Variants in CRYZL1 observed in about 807,000 individuals in gnomAD.
CRYZL1 encodes the protein ferry endosomal RAB5 effector complex subunit 4.
CRYZL1 carries 34 observed loss-of-function variants against 50.6 expected under a neutral mutation model. That is an observed-to-expected ratio of 0.67 (90% CI 0.51 to 0.89). The LOEUF is 0.89. Among genes scored for constraint, CRYZL1 ranks in the 40% least tolerant of loss-of-function variants. CRYZL1 has a pLI of 0.00. For synonymous variants in CRYZL1, 125 were observed against 134.3 expected (o/e 0.93, Z 0.48); for missense variants, 354 against 402.3 (o/e 0.88, Z 1.03).
At chr21:33,597,007 A>C (rs1446031989) in intron 10 of CRYZL1, among the ~76,000 whole-genome samples, 1 of 151,908 alleles carries the variant, frequency 6.6e-6, no homozygotes, top group Non-Finnish European at 1.5e-5. Flanking sequence ...GGAGCTGGGA[A>C]TATAAGCCTG....
chr21:33,607,607 G>C (rs927736852), intron 6 of CRYZL1, among the ~76,000 whole-genome samples: 1 of 152,056 alleles, frequency 6.6e-6, no homozygotes, highest in African/African-American at 2.4e-5. Context: ...ACTGCAGCCT[G>C]GGCTACAGAG....
rs767343495 is a variant in CRYZL1, at chr21:33,597,410, G to A, written c.677-9C>T. 3 of 1,546,300 alleles carry A rather than the reference G, an allele frequency of 1.9e-6. No individual in the cohort carries two copies. Among genetic ancestry groups the A allele is most frequent in the Admixed American group, 3.5e-5 (2 of 57,150 alleles). ...TTTACTATATAATCTCACTTGCAAG[G>A]GAATAGTTTTAAAAAAAGAGAGAGA... On this transcript the variant is annotated splice_polypyrimidine_tract_variant and intron_variant, in intron 9 of 12. Transcript: ENST00000381554.
At position 33,597,364 on chromosome 21, in the gene CRYZL1, T is replaced by C. The variant is rs1248478738; in HGVS notation, c.714A>G (p.Lys238=). 1.2e-6 allele frequency: 2 copies of C among 1,601,050 alleles called. No individual in the cohort carries two copies. The highest frequency in any genetic ancestry group is 1.7e-6 in the Non-Finnish European group (2 of 1,168,164). ...CATGTTTATGTGGTAGTAGTTGTAG[T>C]TTTACAGCTGGTTCATCATCTTTAC... ...LYSKDDEPAV[K]LQLLPHKHDI... is the part of the protein sequence containing the mutation. The change falls in exon 10 of 13, where the codon AAA becomes AAG. Residue 238 remains lysine (K), a synonymous_variant. Coordinates refer to ENST00000381554, the MANE Select transcript of CRYZL1 (RefSeq NM_145858.3).
intron 6 of CRYZL1, among the ~76,000 whole-genome samples, chr21:33,605,489 TA>T (rs2086800521): frequency 6.6e-6 from 1 of 150,600 alleles, no homozygotes; most frequent in East Asian, 1.9e-4. Context: ...GTTTTGTATT[TA>T]TGTTGTACAC....
chr21:33,603,389 A>C lies in CRYZL1; in HGVS notation c.465+15T>G, dbSNP rs559571829. Reference sequence around the variant, plus strand: ...GTATGCTTGTCTGTTTCTTAACAAAACCATTAGCACCTACACTTGCTCCAT... The same window carrying C: ...GTATGCTTGTCTGTTTCTTAACAAACCCATTAGCACCTACACTTGCTCCAT... On this transcript the variant is annotated intron_variant, in intron 7 of 12. Transcript: ENST00000381554. 11 of 1,612,346 alleles carry C rather than the reference A, an allele frequency of 6.8e-6. No individual in the cohort carries two copies. Among genetic ancestry groups the C allele is most frequent in the Non-Finnish European group, 9.3e-6 (11 of 1,179,256 alleles).
intron 1 of CRYZL1, among the ~76,000 whole-genome samples, chr21:33,639,433 G>A (rs531523361): frequency 3.9e-5 from 6 of 152,270 alleles, no homozygotes; most frequent in African/African-American, 1.4e-4. Context: ...GGGAGCGAAC[G>A]GTGTGATGAA....
At chr21:33,634,880 AATAT>A (rs10599845) in intron 1 of CRYZL1, among the ~76,000 whole-genome samples, 63,506 of 144,230 alleles carry the variant, frequency 0.44, 14,520 homozygotes, top group African/African-American at 0.59. Context: ...CAACAACAAC[AATAT>A]ATATATATAT....
intron 5 of CRYZL1, 69 bp downstream of exon 5, chr21:33,616,637 G>A: frequency 6.2e-7 from 1 of 1,601,632 alleles, no homozygotes; most frequent in Non-Finnish European, 8.5e-7. Flanking sequence ...AACATTAATA[G>A]TTATATAGAA....
intron 5 of CRYZL1, 70 bp from the exon 6 acceptor site, chr21:33,613,676 T>C (rs1422354586): frequency 9.1e-7 from 1 of 1,100,876 alleles, no homozygotes; most frequent in Non-Finnish European, 1.4e-6. Context: ...GCCAGTATTA[T>C]TACAAATTTT....
At chr21:33,614,150 C>T (rs998105904) in intron 5 of CRYZL1, among the ~76,000 whole-genome samples, 9 of 141,422 alleles carry the variant, frequency 6.4e-5, no homozygotes, top group Non-Finnish European at 7.6e-5. Context: ...CCAGCCCGGC[C>T]GACAGTGCGA....
chr21:33,636,622 C>G (rs924961470), intron 1 of CRYZL1, among the ~76,000 whole-genome samples: 2 of 152,012 alleles, frequency 1.3e-5, no homozygotes, highest in African/African-American at 4.8e-5. Flanking sequence ...AAAAGCAGAA[C>G]GAGAACTTTG....
chr21:33,607,985 T>C (rs986006100), intron 6 of CRYZL1, among the ~76,000 whole-genome samples: 3 of 152,216 alleles, frequency 2.0e-5, no homozygotes, highest in African/African-American at 7.2e-5. Flanking sequence ...AATGATGCTA[T>C]GATTTACGAA....
rs1458194911 is a variant in CRYZL1, at chr21:33,602,354, A to G, written c.466-9T>C. 2 of 1,366,226 alleles carry G rather than the reference A, an allele frequency of 1.5e-6. No homozygotes were observed. The highest frequency in any genetic ancestry group is 4.6e-5 in the East Asian group (2 of 43,724). The allele number at this position is 1,366,226 out of a possible 1,614,324, so 84.6% of individuals were successfully genotyped here. A position where few individuals can be genotyped will look rare whatever the true frequency, so the allele number is the denominator to read the frequency against. On this transcript the variant is annotated splice_polypyrimidine_tract_variant and intron_variant, in intron 7 of 12. Coordinates refer to ENST00000381554, the MANE Select transcript of CRYZL1 (RefSeq NM_145858.3). ...GCTATTGTACCAAATGCCTGTGTAG[A>G]AAAAAATATACAGTGGGTGTATGGT...
chr21:33,613,696 A>G, intron 5 of CRYZL1, 90 bp from the exon 6 acceptor site: 1 of 923,554 alleles, frequency 1.1e-6, no homozygotes, highest in Non-Finnish European at 1.7e-6. Flanking sequence ...TGTTCAGTGA[A>G]ATTTTGAGGA....
chr21:33,599,198 A>C lies in CRYZL1; in HGVS notation c.628T>G (p.Leu210Val). The C allele has an allele frequency of 6.2e-7, 1 of 1,614,064 alleles. No homozygotes were observed. The highest frequency in any genetic ancestry group is 8.5e-7 in the Non-Finnish European group (1 of 1,179,952). ...ACTCCCAGGCCACCTGTTTCTTCCAAACAGCTTTCAGCAACATGAACTTTC... is the reference window on the plus strand; with the variant it reads ...ACTCCCAGGCCACCTGTTTCTTCCACACAGCTTTCAGCAACATGAACTTTC... ...NGKVHVAESC[L>V]EETGGLGVDI... is the part of the protein sequence containing the mutation. Residue 210 changes from leucine to valine, a missense_variant, in exon 9 of 13, where the codon TTG becomes GTG. By Grantham distance (32) the Leu-to-Val change is conservative (BLOSUM62 1). Transcript: ENST00000381554.
At chr21:33,617,568 A>G (rs993612854) in intron 4 of CRYZL1, among the ~76,000 whole-genome samples, 8 of 152,106 alleles carry the variant, frequency 5.3e-5, no homozygotes, top group African/African-American at 1.9e-4. Context: ...GTCTCCAAAA[A>G]CTGAGCTCCC....
At chr21:33,604,473 G>A (rs1215844336) in intron 6 of CRYZL1, among the ~76,000 whole-genome samples, 1 of 149,442 alleles carries the variant, frequency 6.7e-6, no homozygotes, top group East Asian at 2.0e-4. Flanking sequence ...AGGTTGCAGT[G>A]AGCTAAGATT....
At chr21:33,608,640 C>T (rs1442437070) in intron 6 of CRYZL1, among the ~76,000 whole-genome samples, 1 of 152,144 alleles carries the variant, frequency 6.6e-6, no homozygotes, top group African/African-American at 2.4e-5. Context: ...CTTTCTGTGC[C>T]TGGCTTATTT....
intron 6 of CRYZL1, among the ~76,000 whole-genome samples, chr21:33,605,530 C>CTGTTTTTTTTTTTTTTTTTTTTTT (rs1555904658): frequency 1.9e-5 from 1 of 53,196 alleles, no homozygotes; most frequent in Non-Finnish European, 3.2e-5. Context: ...TACAAGAATT[C>CTGTTTTTTTTTTTTTTTTTTTTTT]TTTTTTTTTT....
Sources: allele counts gnomAD v4.1 joint callset (sites outside exome capture counted in the v4.1 genomes callset), GRCh38; gene constraint gnomAD v4.1.1; transcripts MANE v1.5; gene names NCBI Gene and HGNC (gene_info 2026-07-23, HGNC 2026-07-21).